SLC25A13: variants seen among roughly 807,000 people sequenced by gnomAD.
SLC25A13 encodes electrogenic aspartate/glutamate antiporter SLC25A13, mitochondrial.
SLC25A13 carries 70 observed loss-of-function variants against 85.5 expected under a neutral mutation model. That is an observed-to-expected ratio of 0.82 (90% CI 0.68 to 1.00). The LOEUF (loss-of-function observed/expected upper bound fraction) is 1.00. Among genes scored for constraint, SLC25A13 ranks in the 50% least tolerant of loss-of-function variants. SLC25A13 has a pLI of 0.00. For missense variants in SLC25A13, 765 were observed against 819.8 expected (o/e 0.93, Z 0.82); for synonymous variants, 259 against 288.7 (o/e 0.90, Z 1.04).
intron 3 of SLC25A13, among the ~76,000 whole-genome samples, chr7:96,244,581 T>C (rs561641023): frequency 1.3e-5 from 2 of 152,282 alleles, no homozygotes; most frequent in South Asian, 2.1e-4. Context: ...CCATAAAAGG[T>C]GCTTTTCTCG....
intron 4 of SLC25A13, among the ~76,000 whole-genome samples, chr7:96,214,433 T>TA (rs1375790200): frequency 6.6e-6 from 1 of 152,080 alleles, no homozygotes; most frequent in African/African-American, 2.4e-5. Context: ...AAATGAAATT[T>TA]AAAAAACAAC....
chr7:96,274,569 A>G (rs1798371825), intron 3 of SLC25A13, among the ~76,000 whole-genome samples: 1 of 152,186 alleles, frequency 6.6e-6, no homozygotes, highest in Admixed American at 6.5e-5. Flanking sequence ...TGTTTTAGAC[A>G]TGAAGTCCTT....
rs186310977 is a variant in SLC25A13, at chr7:96,284,906, A to G, written c.70-7568T>C. 2.9e-3 allele frequency among the ~76,000 whole-genome samples: 439 copies of G among 152,338 alleles called. 1 individual carries two copies. Among genetic ancestry groups the G allele is most frequent in the African/African-American group, 9.8e-3 (407 of 41,568 alleles). Reference sequence around the variant, plus strand: ...CCTTTATTAGCAGCATGAGAACAGAACAGACTAATACAATAGTACACATCA... The same window carrying G: ...CCTTTATTAGCAGCATGAGAACAGAGCAGACTAATACAATAGTACACATCA... On this transcript the variant is annotated intron_variant, in intron 2 of 17. Transcript: ENST00000265631.
chr7:96,250,772 C>T (rs1451560997), intron 3 of SLC25A13, among the ~76,000 whole-genome samples: 1 of 128,448 alleles, frequency 7.8e-6, no homozygotes, highest in Non-Finnish European at 1.6e-5. Context: ...TAAAATATTA[C>T]AGTGGTCCTG....
chr7:96,184,071 G>A (rs1228082282), intron 11 of SLC25A13, among the ~76,000 whole-genome samples: 2 of 152,044 alleles, frequency 1.3e-5, no homozygotes, highest in Admixed American at 6.5e-5. Context: ...ATACAACAGA[G>A]CACTATAAAT....
At chr7:96,285,505 C>G (rs1286128420) in intron 2 of SLC25A13, among the ~76,000 whole-genome samples, 2 of 152,150 alleles carry the variant, frequency 1.3e-5, no homozygotes, top group Non-Finnish European at 2.9e-5. Context: ...ATCTCCAGGC[C>G]TTCCCTCAAA....
At chr7:96,269,660 T>G (rs752350401) in intron 3 of SLC25A13, among the ~76,000 whole-genome samples, 6 of 152,224 alleles carry the variant, frequency 3.9e-5, no homozygotes, top group Non-Finnish European at 7.3e-5. Flanking sequence ...GCATCTGCAC[T>G]TACAGGTTCA....
At chr7:96,152,713 A>G (rs150591014) in intron 13 of SLC25A13, among the ~76,000 whole-genome samples, 46 of 152,314 alleles carry the variant, frequency 3.0e-4, no homozygotes, top group African/African-American at 8.9e-4. Flanking sequence ...ATGAAGAAGA[A>G]AAATGGAAAG....
intron 4 of SLC25A13, among the ~76,000 whole-genome samples, chr7:96,233,178 A>G (rs960035518): frequency 1.3e-5 from 2 of 152,204 alleles, no homozygotes; most frequent in South Asian, 4.1e-4. Flanking sequence ...TGGGGAAAGT[A>G]GGAGGACAAG....
chr7:96,301,632 GTT>G (rs1554383370), intron 1 of SLC25A13, among the ~76,000 whole-genome samples: 4 of 138,082 alleles, frequency 2.9e-5, no homozygotes, highest in Admixed American at 7.3e-5. Flanking sequence ...TTGGTGTTTT[GTT>G]TTTTTTTTTT....
At chr7:96,241,095 A>C (rs1024267047) in intron 3 of SLC25A13, among the ~76,000 whole-genome samples, 1 of 132,392 alleles carries the variant, frequency 7.6e-6, no homozygotes, top group Non-Finnish European at 1.7e-5. Flanking sequence ...AGAAAGAAAG[A>C]AAGAAAGAAA....
At chr7:96,131,580 T>C (rs1207921759) in intron 15 of SLC25A13, among the ~76,000 whole-genome samples, 163 bp downstream of exon 15, 1 of 152,238 alleles carries the variant, frequency 6.6e-6, no homozygotes, top group African/African-American at 2.4e-5. Context: ...AGAATGAAGA[T>C]TAATTTTTTC....
At chr7:96,171,573 T>G (rs1159818270) in intron 11 of SLC25A13, 49 bp from the exon 12 acceptor site, 5 of 1,509,928 alleles carry the variant, frequency 3.3e-6, no homozygotes, top group Non-Finnish European at 4.6e-6. Flanking sequence ...TAGCATTAAC[T>G]AAACAAATCA....
At chr7:96,155,155 G>A (rs914950345) in intron 13 of SLC25A13, among the ~76,000 whole-genome samples, 2 of 152,086 alleles carry the variant, frequency 1.3e-5, no homozygotes, top group Admixed American at 6.5e-5. Context: ...TTTATTGAGA[G>A]TACATAGTTA....
intron 14 of SLC25A13, among the ~76,000 whole-genome samples, chr7:96,134,922 A>G (rs1792209857): frequency 6.6e-6 from 1 of 151,798 alleles, no homozygotes; most frequent in Admixed American, 6.6e-5. Flanking sequence ...TATGCAGACT[A>G]GAACAAATGT....
At chr7:96,159,352 C>G (rs1208145929) in intron 13 of SLC25A13, among the ~76,000 whole-genome samples, 3 of 152,116 alleles carry the variant, frequency 2.0e-5, no homozygotes, top group Admixed American at 6.5e-5. Context: ...GGACTTACGG[C>G]CTTTTAAGAG....
intron 4 of SLC25A13, among the ~76,000 whole-genome samples, chr7:96,228,334 A>G (rs1796394463): frequency 6.6e-6 from 1 of 152,236 alleles, no homozygotes; most frequent in Non-Finnish European, 1.5e-5. Flanking sequence ...TTGTATCCAG[A>G]AAATACGCAC....
intron 2 of SLC25A13, among the ~76,000 whole-genome samples, chr7:96,294,179 A>G: frequency 6.6e-6 from 1 of 152,016 alleles, no homozygotes. Flanking sequence ...CTATCGCAAG[A>G]ACAAAAAAAC....
At chr7:96,162,468 C>A (rs1417920135) in intron 13 of SLC25A13, among the ~76,000 whole-genome samples, 1 of 152,110 alleles carries the variant, frequency 6.6e-6, no homozygotes, top group African/African-American at 2.4e-5. Flanking sequence ...TAAGCAAAGT[C>A]ATTAATATCT....
Sources: gnomAD v4.1 joint callset for allele counts (sites outside exome capture counted in the v4.1 genomes callset) on GRCh38, gnomAD v4.1.1 for gene constraint, MANE v1.5 for transcripts, NCBI Gene and HGNC (gene_info 2026-07-23, HGNC 2026-07-21) for gene names.